Variants in PAPPA2 observed in about 807,000 individuals in gnomAD.
PAPPA2 encodes the protein pappalysin-2.
Under a neutral mutation model 176.4 loss-of-function variants are expected in PAPPA2, and 86 were observed. The ratio of observed to expected loss-of-function variants is 0.49; its 90% CI spans 0.41 to 0.58. The LOEUF (loss-of-function observed/expected upper bound fraction) is 0.58, where lower values mean the gene tolerates loss of function less well. Among genes scored for constraint, PAPPA2 ranks in the 20% least tolerant of loss-of-function variants. PAPPA2 has a pLI of 0.00. For synonymous variants in PAPPA2, 809 were observed against 852.2 expected (o/e 0.95, Z 0.88); for missense variants, 2,073 against 2,256.9 (o/e 0.92, Z 1.65).
intron 21 of PAPPA2, among the ~76,000 whole-genome samples, chr1:176,810,996 C>A (rs541189826): frequency 2.6e-5 from 4 of 152,258 alleles, no homozygotes; most frequent in African/African-American, 9.6e-5. Flanking sequence ...TCAGTCTTTT[C>A]TATCTGTAAG....
At chr1:176,754,263 C>T (rs1663316555) in intron 14 of PAPPA2, among the ~76,000 whole-genome samples, 1 of 152,102 alleles carries the variant, frequency 6.6e-6, no homozygotes. Flanking sequence ...GGTTGAGGTC[C>T]ACCCCCAAGG....
chr1:176,564,405 T>C (rs1651841199), intron 2 of PAPPA2, among the ~76,000 whole-genome samples: 1 of 152,234 alleles, frequency 6.6e-6, no homozygotes, highest in African/African-American at 2.4e-5. Flanking sequence ...GTGCAAGCAG[T>C]CGTAGATGAT....
At chr1:176,610,911 A>C (rs1056296538) in intron 3 of PAPPA2, among the ~76,000 whole-genome samples, 2 of 152,138 alleles carry the variant, frequency 1.3e-5, no homozygotes, top group African/African-American at 2.4e-5. Flanking sequence ...TAGGAGTATG[A>C]CTCTTGTCCT....
At chr1:176,838,430 A>G (rs1329774755) in intron 21 of PAPPA2, among the ~76,000 whole-genome samples, 1 of 152,224 alleles carries the variant, frequency 6.6e-6, no homozygotes, top group Non-Finnish European at 1.5e-5. Flanking sequence ...AGGTTTTGCC[A>G]ATGAGTCAGT....
chr1:176,616,692 AATTT>A, intron 3 of PAPPA2: 1 of 1,514,572 alleles, frequency 6.6e-7, no homozygotes. Flanking sequence ...CTCCTCTATA[AATTT>A]ATTTAAGGTC....
At chr1:176,758,768 A>G (rs1323095570) in intron 14 of PAPPA2, among the ~76,000 whole-genome samples, 2 of 152,254 alleles carry the variant, frequency 1.3e-5, no homozygotes, top group African/African-American at 2.4e-5. Flanking sequence ...AAAAAAATAT[A>G]CTGAGCAAGA....
intron 3 of PAPPA2, among the ~76,000 whole-genome samples, chr1:176,617,032 G>T (rs1655303125): frequency 6.6e-6 from 1 of 152,130 alleles, no homozygotes; most frequent in South Asian, 2.1e-4. Flanking sequence ...ACCCCATCCA[G>T]GTCAGAACTC....
chr1:176,528,206 A>T (rs1649601263), intron 1 of PAPPA2, among the ~76,000 whole-genome samples: 1 of 152,156 alleles, frequency 6.6e-6, no homozygotes, highest in Admixed American at 6.5e-5. Context: ...TTAAGAACTC[A>T]AGTGGTCCAA....
intron 1 of PAPPA2, among the ~76,000 whole-genome samples, chr1:176,541,368 T>A (rs1475616474): frequency 2.0e-5 from 3 of 152,220 alleles, no homozygotes; most frequent in African/African-American, 7.2e-5. Context: ...TTGGCCTTAG[T>A]TTAGATGTGT....
chr1:176,835,486 A>G (rs1667237360), intron 21 of PAPPA2, among the ~76,000 whole-genome samples: 1 of 152,120 alleles, frequency 6.6e-6, no homozygotes, highest in Admixed American at 6.6e-5. Context: ...TTTCCTCCAC[A>G]TTCTCACAAG....
intron 15 of PAPPA2, among the ~76,000 whole-genome samples, chr1:176,767,752 C>T (rs1162317894): frequency 3.3e-5 from 5 of 152,140 alleles, no homozygotes; most frequent in African/African-American, 7.2e-5. Flanking sequence ...TGGGAGCTCA[C>T]GCTTTGCCAA....
intron 17 of PAPPA2, among the ~76,000 whole-genome samples, chr1:176,783,811 G>A (rs1206420029): frequency 6.6e-6 from 1 of 152,206 alleles, no homozygotes; most frequent in African/African-American, 2.4e-5. Context: ...ACTAGCATGA[G>A]AAGGTAGCAT....
chr1:176,492,292 G>A (rs1442094363), intron 1 of PAPPA2, among the ~76,000 whole-genome samples: 1 of 152,118 alleles, frequency 6.6e-6, no homozygotes, highest in Non-Finnish European at 1.5e-5. Context: ...CAGGATTTCT[G>A]TCTCCTCAGT....
chr1:176,706,495 G>A (rs375725134), intron 10 of PAPPA2, 45 bp downstream of exon 10: 2 of 1,544,282 alleles, frequency 1.3e-6, no homozygotes, highest in African/African-American at 2.7e-5. Flanking sequence ...TACTTTTAGA[G>A]GTGTATTATT....
rs368177853 is a variant in PAPPA2 at position 176,487,249 on chromosome 1, A to G, written c.-917+23831A>G. ...GTCAAGGCCATCTTGACCAAAGTCT[A>G]CCCTAGAGACATCATTCCATGTGCA... On this transcript the variant is annotated intron_variant, in intron 1 of 22. Coordinates refer to ENST00000367662, the MANE Select transcript of PAPPA2 (RefSeq NM_020318.3). 3.3e-5 allele frequency among the ~76,000 whole-genome samples: 5 copies of G among 152,264 alleles called. No homozygotes were observed. The South Asian group carries it at 8.3e-4, about 25-fold the overall frequency.
At chr1:176,663,858 T>C (rs1461270931) in intron 3 of PAPPA2, among the ~76,000 whole-genome samples, 1 of 152,162 alleles carries the variant, frequency 6.6e-6, no homozygotes, top group Non-Finnish European at 1.5e-5. Flanking sequence ...TTCTTTTGTG[T>C]GCTTTATATT....
At chr1:176,749,590 C>G (rs1407704615) in intron 14 of PAPPA2, among the ~76,000 whole-genome samples, 1 of 152,184 alleles carries the variant, frequency 6.6e-6, no homozygotes. Flanking sequence ...CCTCTGTGTT[C>G]TGCCTATTCA....
At chr1:176,776,050 T>C (rs1664447194) in intron 17 of PAPPA2, among the ~76,000 whole-genome samples, 1 of 152,142 alleles carries the variant, frequency 6.6e-6, no homozygotes, top group South Asian at 2.1e-4. Context: ...CTTTCTTTTT[T>C]CCTCCCATGC....
At position 176,556,352 on chromosome 1, in the gene PAPPA2, C is replaced by G; in HGVS notation, c.30C>G (p.Ser10Arg). ...TGTGCTTAAAGATCCTAAGAATAAGCCTGGCGATTTTGGCTGGGTGGGCAC... is the reference window on the plus strand; with the variant it reads ...TGTGCTTAAAGATCCTAAGAATAAGGCTGGCGATTTTGGCTGGGTGGGCAC... MMCLKILRI[S>R]LAILAGWALC... The change falls in exon 2 of 23, where the codon AGC becomes AGG. Residue 10 changes from serine to arginine, a missense_variant. Ser to Arg is a moderately radical substitution (Grantham distance 110, BLOSUM62 -1). This residue lies in a region of PAPPA2 where 1,196 missense variants were observed against 1,330.4 expected (regional missense o/e 0.90). Coordinates refer to ENST00000367662, the MANE Select transcript of PAPPA2 (RefSeq NM_020318.3). 1 of 1,613,872 alleles carries G rather than the reference C, an allele frequency of 6.2e-7. No homozygotes were observed. The highest frequency in any genetic ancestry group is 8.5e-7 in the Non-Finnish European group (1 of 1,179,902).
Sources: allele counts gnomAD v4.1 joint callset (sites outside exome capture counted in the v4.1 genomes callset), GRCh38; gene constraint gnomAD v4.1.1; regional missense constraint gnomAD v4.1.1; transcripts MANE v1.5; gene names NCBI Gene and HGNC (gene_info 2026-07-23, HGNC 2026-07-21).